The following NLRP10 variants were observed in gnomAD, a reference collection of about 807,000 sequenced individuals.
NLRP10 encodes the protein NLR family pyrin domain containing 10, also known as NACHT, LRR and PYD domains-containing protein 10.
In NLRP10, 7 loss-of-function variants were observed where a neutral mutation model predicts 8.2. That is an observed-to-expected ratio of 0.85 (90% confidence interval 0.48 to 1.60). The LOEUF (loss-of-function observed/expected upper bound fraction) is 1.60. NLRP10 is among the 40% of genes most tolerant of loss of function. The pLI is 0.00. For missense variants in NLRP10, 814 were observed against 776.3 expected (o/e 1.05, Z -0.58); for synonymous variants, 338 against 314.0 (o/e 1.08, Z -0.81).
chr11:7,960,022 C>A lies in NLRP10; in HGVS notation c.1590G>T (p.Glu530Asp). 6.2e-7 allele frequency: 1 copy of A among 1,613,888 alleles called. No individual in the cohort carries two copies. Among genetic ancestry groups the A allele is most frequent in the African/African-American group, 1.3e-5 (1 of 75,038 alleles). Residue 530 changes from glutamate (E) to aspartate (D), a missense_variant, in exon 3 of 3, where the codon GAG becomes GAT. Coordinates refer to ENST00000691676, the MANE Select transcript of NLRP10 (RefSeq NM_001391958.1). Reference sequence around the variant, plus strand: ...GAGAAATTCTGAAGCAGAACTTGAGCTCCAAGTTCGAGAAGCTGTCTTTTT... The same window carrying A: ...GAGAAATTCTGAAGCAGAACTTGAGATCCAAGTTCGAGAAGCTGTCTTTTT... Reference protein sequence around the residue: ...ISKKDSFSNLELKFCFRISPC... With the variant: ...ISKKDSFSNLDLKFCFRISPC...
At position 7,961,159 on chromosome 11, in the gene NLRP10, C is replaced by A. The variant is rs139239757; in HGVS notation, c.453G>T (p.Thr151=). 5 of 1,614,026 alleles carry A rather than the reference C, an allele frequency of 3.1e-6. No homozygotes were observed. The East Asian group carries it at 8.9e-5, about 29-fold the overall frequency. Residue 151 remains threonine, a synonymous_variant, in exon 3 of 3, where the codon ACG becomes ACT. Coordinates refer to ENST00000691676, the MANE Select transcript of NLRP10 (RefSeq NM_001391958.1). Reference sequence around the variant, plus strand: ...CCCCTGAATCAAATAGAGCCTCCACCGTGACAGACTCCAGCTCCTGCTCCG... The same window carrying A: ...CCCCTGAATCAAATAGAGCCTCCACAGTGACAGACTCCAGCTCCTGCTCCG... ...PFPEQELESV[T]VEALFDSGEK...
At position 7,961,290 on chromosome 11, in the gene NLRP10, A is replaced by T. The variant is rs769116452; in HGVS notation, c.322T>A (p.Cys108Ser). 1.9e-6 allele frequency: 3 copies of T among 1,595,658 alleles called. No individual in the cohort carries two copies. Among genetic ancestry groups the T allele is most frequent in the Admixed American group, 1.7e-5 (1 of 57,520 alleles). ...CCTGCTTCCTGCCATTCCTCTAGGC[A>T]GCGCACATGCTCTCGGTATACTTCT... ...YREVYREHVR[C>S]LEEWQEAGVN... Residue 108 changes from cysteine (C) to serine (S), a missense_variant, in exon 3 of 3, where the codon TGC (cysteine) becomes AGC (serine). Coordinates refer to ENST00000691676, the MANE Select transcript of NLRP10 (RefSeq NM_001391958.1).
rs1410063484 is a variant in NLRP10, at chr11:7,957,540, A to T, written c.*2104T>A. ...TGTACAAATTCATCAAATTTTATATATTAAATATGCACAGTTTATTGTATT... is the reference window on the plus strand; with the variant it reads ...TGTACAAATTCATCAAATTTTATATTTTAAATATGCACAGTTTATTGTATT... On this transcript the variant is annotated 3_prime_UTR_variant, in exon 3 of 3. Coordinates refer to ENST00000691676, the MANE Select transcript of NLRP10 (RefSeq NM_001391958.1). Among the ~76,000 whole-genome samples, 1 of 152,200 alleles carries T rather than the reference A, an allele frequency of 6.6e-6. No homozygotes were observed. Among genetic ancestry groups the T allele is most frequent in the Non-Finnish European group, 1.5e-5 (1 of 68,030 alleles).
rs1299801321 is a variant in NLRP10 at position 7,961,201 on chromosome 11, T to A, written c.411A>T (p.Ser137=). ...VAKPSSESPE[S]LACPFPEQEL... is the part of the protein sequence containing the mutation. ...CCTGCTCCGGGAAGGGGCAGGCAAG[T>A]GATTCTGGGCTCTCTGAGCTGGGCT... Residue 137 remains serine (S), a synonymous_variant, in exon 3 of 3, where the codon TCA becomes TCT. Coordinates refer to ENST00000691676, the MANE Select transcript of NLRP10 (RefSeq NM_001391958.1). 6.2e-7 allele frequency: 1 copy of A among 1,613,670 alleles called. No individual in the cohort carries two copies. The highest frequency in any genetic ancestry group is 1.7e-5 in the Admixed American group (1 of 59,984).
At chr11:7,964,569 T>C (rs1444377964) in intron 1 of NLRP10, among the ~76,000 whole-genome samples, 1 of 152,210 alleles carries the variant, frequency 6.6e-6, no homozygotes, top group Non-Finnish European at 1.5e-5. Context: ...AAATGGTTTT[T>C]CAGAGTTTTC....
chr11:7,957,716 A>G lies in NLRP10; in HGVS notation c.*1928T>C, dbSNP rs1158572549. ...ATCATTGATGAACCAATTTTGATAC[A>G]CTATTATTAACTACAAGGCACAGTT... On this transcript the variant is annotated 3_prime_UTR_variant, in exon 3 of 3. Coordinates refer to ENST00000691676, the MANE Select transcript of NLRP10 (RefSeq NM_001391958.1). Among the ~76,000 whole-genome samples, 1 of 152,152 alleles carries G rather than the reference A, an allele frequency of 6.6e-6. No homozygotes were observed. Among genetic ancestry groups the G allele is most frequent in the Non-Finnish European group, 1.5e-5 (1 of 68,026 alleles).
intron 2 of NLRP10, among the ~76,000 whole-genome samples, chr11:7,962,328 C>A (rs541034556): frequency 6.9e-6 from 1 of 144,480 alleles, no homozygotes; most frequent in East Asian, 2.2e-4. Flanking sequence ...CTCCGCCTCC[C>A]GGGTTCACGC....
intron 2 of NLRP10, 61 bp downstream of exon 2, chr11:7,963,146 C>T: frequency 6.6e-7 from 1 of 1,521,002 alleles, no homozygotes; most frequent in Admixed American, 1.7e-5. Flanking sequence ...TCTGGAAATG[C>T]CATGGTGGGA....
Position 7,960,366 on chromosome 11 carries a change from G to C in NLRP10, c.1246C>G (p.Leu416Val). ...RHRVLRSLCS[L>V]AAEGIQHQRF... ...TGGTGCTGAATCCCTTCAGCTGCTA[G>C]GGAGCACAGACTCCTCAGGACCCTG... The change falls in exon 3 of 3, where the codon CTA becomes GTA. Residue 416 changes from leucine (L) to valine (V), a missense_variant. Coordinates refer to ENST00000691676, the MANE Select transcript of NLRP10 (RefSeq NM_001391958.1). 2 of 1,614,002 alleles carry C rather than the reference G, an allele frequency of 1.2e-6. No individual in the cohort carries two copies.
Position 7,960,591 on chromosome 11 carries a change from CA to C in NLRP10, c.1020del (p.Ile340MetfsTer36), listed in dbSNP as rs1259179601. 1 of 1,614,176 alleles carries C rather than the reference CA, an allele frequency of 6.2e-7. No individual in the cohort carries two copies. Among genetic ancestry groups the C allele is most frequent in the Admixed American group, 1.7e-5 (1 of 60,024 alleles). On this transcript the variant is annotated frameshift_variant, in exon 3 of 3. Coordinates refer to ENST00000691676, the MANE Select transcript of NLRP10 (RefSeq NM_001391958.1). LOFTEE classifies it low-confidence loss of function (END_TRUNC). Reference protein sequence around the residue: ...DEKQADRAFDIVQKNDILYKA... With the variant: ...DEKQADRAFDXVQKNDILYKA... ...TTGTAGAGAATGTCATTTTTCTGTA[CA>C]ATGTCGAAGGCACGGTCAGCTTGCT...
Position 7,959,248 on chromosome 11 carries a change from G to T in NLRP10, c.*396C>A, listed in dbSNP as rs532536317. On this transcript the variant is annotated 3_prime_UTR_variant, in exon 3 of 3. Transcript: ENST00000691676. ...CAATTGACCATTTTTGTGTAGGTTT[G>T]TTTCTGGTTCTCTATTCTACTCCAC... Among the ~76,000 whole-genome samples the T allele has an allele frequency of 1.3e-5, 2 of 152,224 alleles. No homozygotes were observed. The highest frequency in any genetic ancestry group is 4.1e-4 in the South Asian group (2 of 4,822).
In NLRP10 at chr11:7,959,602, T is replaced by G; in HGVS notation, c.*42A>C. 14 of 997,392 alleles carry G rather than the reference T, an allele frequency of 1.4e-5. No homozygotes were observed. Among genetic ancestry groups the G allele is most frequent in the Non-Finnish European group, 2.1e-5 (14 of 678,110 alleles). 61.8% of individuals were successfully genotyped at this position (997,392 alleles called of 1,614,324 possible). The stretch of plus-strand genomic sequence containing the variant: ...TCTTTGATTTCTTTCCTCAGAGTGT[T>G]GTCATTTTCCTCATAGAGATCTTGT... On this transcript the variant is annotated 3_prime_UTR_variant, in exon 3 of 3. Transcript: ENST00000691676.
rs1014621542 is a variant in NLRP10, at chr11:7,963,522, A to C, written c.-27T>G. ...GTGATCTGGGGGAAGGATCAAGTCC[A>C]GACCAGAAGACCAGTGACCTGGAGA... is the stretch of plus-strand genomic sequence containing the variant. On this transcript the variant is annotated 5_prime_UTR_variant, in exon 2 of 3. Transcript: ENST00000691676. 2 of 1,577,720 alleles carry C rather than the reference A, an allele frequency of 1.3e-6. No individual in the cohort carries two copies. The highest frequency in any genetic ancestry group is 2.7e-5 in the African/African-American group (2 of 73,736).
intron 2 of NLRP10, 71 bp downstream of exon 2, chr11:7,963,136 T>C (rs1941760898): frequency 1.4e-6 from 2 of 1,469,878 alleles, no homozygotes; most frequent in Non-Finnish European, 1.9e-6. Context: ...TACAGGCAGC[T>C]CTGGAAATGC....
At chr11:7,963,131 G>T in intron 2 of NLRP10, 76 bp downstream of exon 2, 1 of 1,421,414 alleles carries the variant, frequency 7.0e-7, no homozygotes, top group Non-Finnish European at 9.8e-7. Context: ...CAGGCTACAG[G>T]CAGCTCTGGA....
At chr11:7,963,060 G>GTCC (rs1941759872) in intron 2 of NLRP10, 147 bp downstream of exon 2, 1 of 718,972 alleles carries the variant, frequency 1.4e-6, no homozygotes, top group Non-Finnish European at 2.3e-6. Flanking sequence ...CTCAGGTGGA[G>GTCC]ACCACCAAGG....
rs927954251 is a variant in NLRP10, at chr11:7,963,276, C to T, written c.220G>A (p.Val74Ile). 1 of 1,614,240 alleles carries T rather than the reference C, an allele frequency of 6.2e-7. No individual in the cohort carries two copies. The highest frequency in any genetic ancestry group is 1.7e-5 in the Admixed American group (1 of 60,032). The change falls in exon 2 of 3, where the codon GTC (valine) becomes ATC (isoleucine). Residue 74 changes from valine (V) to isoleucine (I), a missense_variant. Physicochemically the swap from Val to Ile is conservative, Grantham distance 29. Transcript: ENST00000691676. The part of the protein sequence containing the change: ...KYGEKEAVKV[V>I]LKGLKVMNLL... Reference sequence around the variant, plus strand: ...TTCATGACCTTCAAGCCCTTGAGGACAACTTTCACAGCCTCCTTTTCTCCA... The same window carrying T: ...TTCATGACCTTCAAGCCCTTGAGGATAACTTTCACAGCCTCCTTTTCTCCA...
At chr11:7,961,851 G>A (rs1941737349) in intron 2 of NLRP10, among the ~76,000 whole-genome samples, 2 of 152,214 alleles carry the variant, frequency 1.3e-5, no homozygotes, top group African/African-American at 2.4e-5. Context: ...AGGTTGAAAT[G>A]TGATCCCCAA....
rs1279705352 is a variant in NLRP10 at position 7,960,771 on chromosome 11, G to A, written c.841C>T (p.His281Tyr). ...ESLLHLLIRR[H>Y]TLPTCSLLIT... ...AGAAGGGAGCACGTGGGGAGTGTAT[G>A]TCTCCTAATTAGAAGGTGCAGCAGG... The change falls in exon 3 of 3, where the codon CAT becomes TAT. Residue 281 changes from histidine (H) to tyrosine (Y), a missense_variant. His to Tyr is a moderately conservative substitution (Grantham distance 83). Transcript: ENST00000691676. 1 of 1,613,978 alleles carries A rather than the reference G, an allele frequency of 6.2e-7. No individual in the cohort carries two copies. The highest frequency in any genetic ancestry group is 8.5e-7 in the Non-Finnish European group (1 of 1,180,034).
Sources: allele counts gnomAD v4.1 joint callset (sites outside exome capture counted in the v4.1 genomes callset), GRCh38; gene constraint gnomAD v4.1.1; transcripts MANE v1.5; gene names NCBI Gene and HGNC (gene_info 2026-07-23, HGNC 2026-07-21).